BMP2K: variants seen among roughly 807,000 people sequenced by gnomAD.
BMP2K encodes the protein BMP2 inducible kinase.
A neutral mutation model predicts 116.0 loss-of-function variants in BMP2K; 74 were observed. That is an observed-to-expected ratio of 0.64 (90% CI 0.53 to 0.77). The LOEUF is 0.77. Among genes scored for constraint, BMP2K ranks in the 30% least tolerant of loss-of-function variants. The pLI is 0.00. For missense variants in BMP2K, 1,365 were observed against 1,403.6 expected (o/e 0.97, Z 0.44); for synonymous variants, 486 against 502.5 (o/e 0.97, Z 0.44).
chr4:78,788,292 T>C (rs1201534822), intron 1 of BMP2K, among the ~76,000 whole-genome samples: 1 of 152,126 alleles, frequency 6.6e-6, no homozygotes, highest in African/African-American at 2.4e-5. Flanking sequence ...CAGATGTGCA[T>C]AGGCTTTTGA....
intron 2 of BMP2K, among the ~76,000 whole-genome samples, chr4:78,827,103 T>C (rs1729908760): frequency 6.6e-6 from 1 of 152,242 alleles, no homozygotes; most frequent in Admixed American, 6.5e-5. Flanking sequence ...TTGCCTATTC[T>C]ACTTCTATAT....
intron 1 of BMP2K, among the ~76,000 whole-genome samples, chr4:78,807,713 T>A (rs1403002349): frequency 1.3e-5 from 2 of 150,924 alleles, no homozygotes; most frequent in Non-Finnish European, 3.0e-5. Flanking sequence ...CATAAAATTA[T>A]TAACCCTATA....
chr4:78,880,133 C>T (rs1217646665), intron 14 of BMP2K, among the ~76,000 whole-genome samples: 2 of 152,144 alleles, frequency 1.3e-5, no homozygotes, highest in African/African-American at 4.8e-5. Flanking sequence ...AGTGCAATGG[C>T]GCAATCTCGG....
chr4:78,795,841 A>T (rs968931214), intron 1 of BMP2K, among the ~76,000 whole-genome samples: 1 of 152,152 alleles, frequency 6.6e-6, no homozygotes, highest in African/African-American at 2.4e-5. Flanking sequence ...CCACAATGAG[A>T]TACCATCTCA....
At chr4:78,834,974 A>AT (rs1409467130) in intron 3 of BMP2K, among the ~76,000 whole-genome samples, 2 of 152,146 alleles carry the variant, frequency 1.3e-5, no homozygotes, top group South Asian at 2.1e-4. Context: ...GAAGATGCTG[A>AT]TTTTTTTCTA....
At position 78,910,927 on chromosome 4, in the gene BMP2K, G is replaced by A. The variant is rs1248121952; in HGVS notation, c.2380G>A (p.Glu794Lys). 1 of 1,613,798 alleles carries A rather than the reference G, an allele frequency of 6.2e-7. No homozygotes were observed. Among genetic ancestry groups the A allele is most frequent in the South Asian group, 1.1e-5 (1 of 91,048 alleles). ...HRPLLMDSED[E>K]EEEEKHSSDS... The stretch of plus-strand genomic sequence containing the variant: ...GCCTCTCCTCATGGATTCTGAAGAT[G>A]AGGAAGAAGAGGAGAAACATAGCTC... Residue 794 changes from glutamate to lysine, a missense_variant, in exon 16 of 16, where the codon GAG becomes AAG. Glu to Lys is a moderately conservative substitution (Grantham distance 56). Around this residue, in one of 3 missense-constraint regions of BMP2K, gnomAD observed 596 missense variants for 623.2 expected, o/e 0.96. Transcript: ENST00000502613.
chr4:78,813,309 A>G (rs919768518), intron 1 of BMP2K, among the ~76,000 whole-genome samples: 7 of 152,130 alleles, frequency 4.6e-5, no homozygotes, highest in African/African-American at 1.4e-4. Flanking sequence ...ATTGCAGCAG[A>G]TTTACTGATT....
At chr4:78,787,077 C>T (rs937761395) in intron 1 of BMP2K, among the ~76,000 whole-genome samples, 7 of 152,062 alleles carry the variant, frequency 4.6e-5, no homozygotes, top group African/African-American at 1.4e-4. Flanking sequence ...TTATCTCTTG[C>T]AGTGCTGTAC....
At position 78,812,688 on chromosome 4, in the gene BMP2K, A is replaced by G. The variant is rs182332816; in HGVS notation, c.179-13349A>G. Among the ~76,000 whole-genome samples the G allele has an allele frequency of 1.8e-4, 28 of 152,290 alleles. No homozygotes were observed. The East Asian group carries it at 4.0e-3, about 22-fold the overall frequency. On this transcript the variant is annotated intron_variant, in intron 1 of 15. Transcript: ENST00000502613. ...TGAAGGTATCACCTGGCCCTTTTCC[A>G]TAACCCTGTGGGAATTAAGGCTGTG...
chr4:78,809,306 G>A (rs1728968699), intron 1 of BMP2K, among the ~76,000 whole-genome samples: 1 of 151,378 alleles, frequency 6.6e-6, no homozygotes, highest in African/African-American at 2.4e-5. Flanking sequence ...TATACATGGT[G>A]TTACCATCCT....
At chr4:78,794,891 A>G (rs916270009) in intron 1 of BMP2K, among the ~76,000 whole-genome samples, 4 of 152,134 alleles carry the variant, frequency 2.6e-5, no homozygotes, top group Non-Finnish European at 5.9e-5. Flanking sequence ...TTTGATTACT[A>G]TTTATCTCTA....
chr4:78,788,724 G>A (rs1727856578), intron 1 of BMP2K, among the ~76,000 whole-genome samples: 1 of 150,744 alleles, frequency 6.6e-6, no homozygotes, highest in South Asian at 2.1e-4. Flanking sequence ...ATGTGTTTGT[G>A]TATGGTATTT....
chr4:78,778,498 A>G (rs1727350867), intron 1 of BMP2K, among the ~76,000 whole-genome samples: 1 of 152,230 alleles, frequency 6.6e-6, no homozygotes, highest in Non-Finnish European at 1.5e-5. Flanking sequence ...GGAGGAAGCA[A>G]GGACTGAAGA....
intron 15 of BMP2K, among the ~76,000 whole-genome samples, chr4:78,895,452 G>T (rs555930692): frequency 6.6e-6 from 1 of 152,046 alleles, no homozygotes; most frequent in African/African-American, 2.4e-5. Flanking sequence ...TTGATTAAAG[G>T]TTGAAATCCC....
At chr4:78,866,554 C>G (rs1163876894) in intron 10 of BMP2K, among the ~76,000 whole-genome samples, 2 of 152,114 alleles carry the variant, frequency 1.3e-5, no homozygotes, top group East Asian at 3.9e-4. Context: ...AATGTGCTAC[C>G]TGATACACGG....
chr4:78,887,828 G>A (rs1240294115), intron 15 of BMP2K, among the ~76,000 whole-genome samples: 1 of 152,120 alleles, frequency 6.6e-6, no homozygotes, highest in African/African-American at 2.4e-5. Context: ...TCGTGCATTG[G>A]CATAAATGAA....
At position 78,872,794 on chromosome 4, in the gene BMP2K, A is replaced by G. The variant is rs1211596348; in HGVS notation, c.1789A>G (p.Asn597Asp). The change falls in exon 13 of 16, where the codon AAT becomes GAT. Residue 597 changes from asparagine to aspartate, a missense_variant. Transcript: ENST00000502613. ...GTIMDSSYSA[N>D]RSVADKEAIA... ...CATAATGGACTCCTCCTATAGTGCCAATAGGCAAGTATTTTTCCAGTGAAA... is the reference window on the plus strand; with the variant it reads ...CATAATGGACTCCTCCTATAGTGCCGATAGGCAAGTATTTTTCCAGTGAAA... The G allele has an allele frequency of 6.2e-7, 1 of 1,612,268 alleles. No individual in the cohort carries two copies. The highest frequency in any genetic ancestry group is 1.7e-5 in the Admixed American group (1 of 59,680).
intron 15 of BMP2K, among the ~76,000 whole-genome samples, chr4:78,893,420 T>G (rs1185004660): frequency 6.6e-6 from 1 of 152,226 alleles, no homozygotes; most frequent in Non-Finnish European, 1.5e-5. Context: ...TTAATGTTGA[T>G]ATTTTGACCT....
intron 7 of BMP2K, among the ~76,000 whole-genome samples, chr4:78,854,745 G>C (rs1731419954): frequency 6.6e-6 from 1 of 152,010 alleles, no homozygotes. Flanking sequence ...TTGCTTGCTT[G>C]TTTTTACTAC....
Sources: allele counts gnomAD v4.1 joint callset (sites outside exome capture counted in the v4.1 genomes callset), GRCh38; gene constraint gnomAD v4.1.1; regional missense constraint gnomAD v4.1.1; transcripts MANE v1.5; gene names NCBI Gene and HGNC (gene_info 2026-07-23, HGNC 2026-07-21).